AGBL4: variants seen among roughly 807,000 people sequenced by gnomAD.
AGBL4 encodes AGBL carboxypeptidase 4.
AGBL4 carries 58 observed loss-of-function variants against 66.4 expected under a neutral mutation model. The observed-to-expected ratio is 0.87, with a 90% CI of 0.71 to 1.09. The LOEUF (loss-of-function observed/expected upper bound fraction) is 1.09, where lower values mean the gene tolerates loss of function less well. AGBL4 is among the 50% of genes least tolerant of loss of function. The pLI is 0.00. For synonymous variants in AGBL4, 234 were observed against 222.9 expected (o/e 1.05, Z -0.44); for missense variants, 579 against 631.0 (o/e 0.92, Z 0.88).
At chr1:49,124,079 G>A (rs545938297) in intron 4 of AGBL4, among the ~76,000 whole-genome samples, 1 of 152,276 alleles carries the variant, frequency 6.6e-6, no homozygotes, top group Admixed American at 6.5e-5. Flanking sequence ...GCCAGCTGGA[G>A]GCCTTGGAGG....
intron 3 of AGBL4, among the ~76,000 whole-genome samples, chr1:49,538,974 C>T (rs941113642): frequency 6.6e-6 from 1 of 152,010 alleles, no homozygotes; most frequent in Non-Finnish European, 1.5e-5. Flanking sequence ...TACACAAACG[C>T]ATTTGTATGA....
At chr1:48,987,922 G>A (rs769956368) in intron 5 of AGBL4, among the ~76,000 whole-genome samples, 35 of 152,104 alleles carry the variant, frequency 2.3e-4, no homozygotes, top group Admixed American at 4.6e-4. Context: ...ATAAGTCTGG[G>A]TTTTTCTCAT....
chr1:48,754,627 G>A lies in AGBL4; in HGVS notation c.635-91386C>T, dbSNP rs111523038. 1.8e-3 allele frequency among the ~76,000 whole-genome samples: 271 copies of A among 152,250 alleles called. 1 individual carries two copies. The highest frequency in any genetic ancestry group is 6.2e-3 in the African/African-American group (257 of 41,552). ...TTTATTGAACACTTACAATATGGGG[G>A]TCACGGGGCAAAAGTTTACATATGC... On this transcript the variant is annotated intron_variant, in intron 6 of 13. Coordinates refer to ENST00000371839, the MANE Select transcript of AGBL4 (RefSeq NM_032785.4).
intron 3 of AGBL4, among the ~76,000 whole-genome samples, chr1:49,488,343 T>C (rs1450446587): frequency 6.6e-6 from 1 of 151,518 alleles, no homozygotes; most frequent in Non-Finnish European, 1.5e-5. Flanking sequence ...TATCCAACAG[T>C]CTTGTATGAT....
intron 2 of AGBL4, among the ~76,000 whole-genome samples, chr1:49,799,208 C>CT (rs770540590): frequency 2.0e-5 from 3 of 152,072 alleles, no homozygotes; most frequent in African/African-American, 7.2e-5. Flanking sequence ...ATGACTTTCT[C>CT]TGTCACTCTA....
chr1:48,576,576 TTTTGGG>T (rs1208785651), intron 11 of AGBL4, among the ~76,000 whole-genome samples: 1 of 152,174 alleles, frequency 6.6e-6, no homozygotes, highest in African/African-American at 2.4e-5. Context: ...GAGTCCTCTG[TTTTGGG>T]AAACTCCTCA....
At chr1:49,638,502 G>A (rs1645720962) in intron 3 of AGBL4, among the ~76,000 whole-genome samples, 2 of 152,108 alleles carry the variant, frequency 1.3e-5, no homozygotes, top group African/African-American at 4.8e-5. Flanking sequence ...GTTTCGCTGT[G>A]TCCTCACCCA....
chr1:48,954,574 A>T (rs1195349679), intron 5 of AGBL4, among the ~76,000 whole-genome samples: 1 of 152,244 alleles, frequency 6.6e-6, no homozygotes, highest in Non-Finnish European at 1.5e-5. Flanking sequence ...GTGCTAAATA[A>T]AAGCATGAGG....
At chr1:49,284,370 A>G (rs1644354804) in intron 3 of AGBL4, among the ~76,000 whole-genome samples, 1 of 152,206 alleles carries the variant, frequency 6.6e-6, no homozygotes, top group African/African-American at 2.4e-5. Flanking sequence ...CTCCTGAAGG[A>G]AGCGCTAAAC....
chr1:48,775,995 A>G (rs555124663), intron 6 of AGBL4, among the ~76,000 whole-genome samples: 4 of 152,060 alleles, frequency 2.6e-5, no homozygotes, highest in Admixed American at 6.5e-5. Flanking sequence ...GGGGCAGGAG[A>G]GTGTGGTGTG....
intron 12 of AGBL4, among the ~76,000 whole-genome samples, chr1:48,538,876 G>C (rs1179315903): frequency 6.6e-6 from 1 of 152,224 alleles, no homozygotes; most frequent in Non-Finnish European, 1.5e-5. Flanking sequence ...GCATTGTCAT[G>C]TCCTTCAAGT....
At chr1:49,883,038 G>GT (rs555340877) in intron 1 of AGBL4, among the ~76,000 whole-genome samples, 93 of 152,078 alleles carry the variant, frequency 6.1e-4, no homozygotes, top group African/African-American at 1.8e-3. Flanking sequence ...AATAAACACT[G>GT]TTTTTTTCCA....
intron 3 of AGBL4, among the ~76,000 whole-genome samples, chr1:49,340,839 G>C (rs1171517075): frequency 6.6e-6 from 1 of 152,150 alleles, no homozygotes; most frequent in Non-Finnish European, 1.5e-5. Context: ...GGACTTAACA[G>C]ACCCAGGAAA....
chr1:48,729,895 C>G (rs926633675), intron 6 of AGBL4, among the ~76,000 whole-genome samples: 3 of 152,166 alleles, frequency 2.0e-5, no homozygotes, highest in Non-Finnish European at 4.4e-5. Context: ...TCCATAAGGA[C>G]TGAGAGACAA....
At chr1:49,644,471 T>G (rs1645845643) in intron 3 of AGBL4, among the ~76,000 whole-genome samples, 2 of 151,566 alleles carry the variant, frequency 1.3e-5, no homozygotes, top group Admixed American at 1.3e-4. Flanking sequence ...GATTTACCAT[T>G]CTAACACTTA....
At chr1:49,617,590 T>C (rs1325580228) in intron 3 of AGBL4, among the ~76,000 whole-genome samples, 1 of 152,336 alleles carries the variant, frequency 6.6e-6, no homozygotes, top group East Asian at 1.9e-4. Context: ...CCTACTTCCA[T>C]ATCTACATGT....
chr1:48,889,796 C>T (rs1650744833), intron 5 of AGBL4, among the ~76,000 whole-genome samples: 2 of 152,144 alleles, frequency 1.3e-5, no homozygotes, highest in Admixed American at 1.3e-4. Context: ...AGTTGAATCC[C>T]CTATAGCAGG....
At chr1:49,458,728 T>G (rs1488479264) in intron 3 of AGBL4, among the ~76,000 whole-genome samples, 1 of 151,798 alleles carries the variant, frequency 6.6e-6, no homozygotes, top group Non-Finnish European at 1.5e-5. Context: ...GTATGTCCTT[T>G]CTATATCGAT....
At chr1:48,627,294 A>G (rs1171327528) in intron 9 of AGBL4, among the ~76,000 whole-genome samples, 1 of 152,132 alleles carries the variant, frequency 6.6e-6, no homozygotes, top group Non-Finnish European at 1.5e-5. Context: ...GTAGAACTGC[A>G]TACTTGTTTA....
Sources: gnomAD v4.1 joint callset for allele counts (sites outside exome capture counted in the v4.1 genomes callset) on GRCh38, gnomAD v4.1.1 for gene constraint, MANE v1.5 for transcripts, NCBI Gene and HGNC (gene_info 2026-07-23, HGNC 2026-07-21) for gene names.